ACTR3C: variants seen among roughly 807,000 people sequenced by gnomAD.
The protein encoded by ACTR3C is actin-related protein 3C.
A neutral mutation model predicts 26.3 loss-of-function variants in ACTR3C; 18 were observed. That is an observed-to-expected ratio of 0.68 (90% CI 0.47 to 1.01). The LOEUF is 1.01. Ranked by LOEUF, ACTR3C falls within the 50% of genes least tolerant of loss-of-function variation. The pLI, the probability that ACTR3C is intolerant of heterozygous loss-of-function variation, is 0.00. For missense variants in ACTR3C, 184 were observed against 250.7 expected, an observed-to-expected ratio of 0.73 and a Z score of 1.80; for synonymous variants, 55 against 94.5, an observed-to-expected ratio of 0.58 and a Z score of 2.42.
the ACTR3C span, among the ~76,000 whole-genome samples, chr7:149,927,901 ATAAATTAC>A: frequency 4.3e-3 from 652 of 152,354 alleles, 5 homozygotes; most frequent in African/African-American, 0.015. Context: ...TCTTTTCTTT[ATAAATTAC>A]CCGGTGTGTG....
chr7:150,288,685 A>G (rs10274065), intron 4 of ACTR3C, among the ~76,000 whole-genome samples: 15,656 of 134,488 alleles, frequency 0.12, 1,129 homozygotes, highest in African/African-American at 0.22. Context: ...AAAAAAGAAT[A>G]TCTAATGATA....
At chr7:150,123,357 T>C in the ACTR3C span, among the ~76,000 whole-genome samples, 1 of 152,084 alleles carries the variant, frequency 6.6e-6, no homozygotes, top group Admixed American at 6.5e-5. Context: ...GTAAAGCTGT[T>C]ATAATAAATG....
At chr7:150,148,476 C>T in the ACTR3C span, among the ~76,000 whole-genome samples, 1 of 151,654 alleles carries the variant, frequency 6.6e-6, no homozygotes, top group African/African-American at 2.4e-5. Flanking sequence ...GACACTGTCT[C>T]GGGCGGAAAA....
At chr7:150,116,442 T>A in the ACTR3C span, among the ~76,000 whole-genome samples, 10 of 152,234 alleles carry the variant, frequency 6.6e-5, no homozygotes, top group African/African-American at 2.4e-4. Context: ...TTGTCTTGTG[T>A]ACATGTTTCT....
chr7:150,320,993 T>A (rs938973437), intron 1 of ACTR3C, among the ~76,000 whole-genome samples: 10 of 152,188 alleles, frequency 6.6e-5, no homozygotes, highest in African/African-American at 2.4e-4. Context: ...TGAGTCAGGC[T>A]CCTCTCAGTC....
chr7:149,886,446 C>T, the ACTR3C span, among the ~76,000 whole-genome samples: 1 of 152,044 alleles, frequency 6.6e-6, no homozygotes, highest in Non-Finnish European at 1.5e-5. Context: ...TTTCTAAAGC[C>T]CTCTGGGAAA....
At chr7:150,252,166 G>T (rs57954906) in intron 6 of ACTR3C, among the ~76,000 whole-genome samples, 23,587 of 151,774 alleles carry the variant, frequency 0.16, 3,677 homozygotes, top group African/African-American at 0.4. Flanking sequence ...GTGTGTGTGT[G>T]TGCAATGAAA....
At chr7:150,058,596 G>T in the ACTR3C span, among the ~76,000 whole-genome samples, 1 of 152,268 alleles carries the variant, frequency 6.6e-6, no homozygotes, top group East Asian at 1.9e-4. Flanking sequence ...AGGATTTGAT[G>T]CTCAAAGTTG....
At chr7:150,233,319 T>A in the ACTR3C span, among the ~76,000 whole-genome samples, 174 of 150,774 alleles carry the variant, frequency 1.2e-3, 1 homozygote, top group African/African-American at 4.2e-3. Context: ...TAAGTCAGGT[T>A]ACTTTTTCTC....
Position 150,306,710 on chromosome 7 carries a change from G to A in ACTR3C, c.-51-11363C>T, listed in dbSNP as rs554379769. Among the ~76,000 whole-genome samples, 7 of 152,328 alleles carry A rather than the reference G, an allele frequency of 4.6e-5. No individual in the cohort carries two copies. The South Asian group carries it at 1.4e-3, about 32-fold the overall frequency. ...AACAATTTAGCAATACCTCGCCAAG[G>A]TGAACACCTCAGACCCAAAGACAAG... On this transcript the variant is annotated intron_variant, in intron 1 of 7. Transcript: ENST00000683684.
At chr7:149,922,205 T>A in the ACTR3C span, among the ~76,000 whole-genome samples, 4 of 136,708 alleles carry the variant, frequency 2.9e-5, no homozygotes, top group Admixed American at 8.0e-5. Flanking sequence ...CTAATTCTAC[T>A]AAATCCTTTG....
the ACTR3C span, among the ~76,000 whole-genome samples, chr7:150,032,643 TGA>T: frequency 5.3e-5 from 8 of 151,932 alleles, no homozygotes; most frequent in African/African-American, 1.9e-4. Context: ...AAAGTAAATC[TGA>T]GAGTTAGGGA....
At chr7:150,038,354 T>C in the ACTR3C span, among the ~76,000 whole-genome samples, 10 of 143,600 alleles carry the variant, frequency 7.0e-5, 1 homozygote, top group South Asian at 2.1e-4. Flanking sequence ...TTTCTCTCTC[T>C]GACGCATACA....
rs2286444 is a variant in ACTR3C, at chr7:150,289,430, G to A, written c.297+20C>T. Reference sequence around the variant, plus strand: ...CATCTCTCTCACCCCCAAACCAGCCGGTTTCCCATCTGTTTTTACCTTAAT... The same window carrying A: ...CATCTCTCTCACCCCCAAACCAGCCAGTTTCCCATCTGTTTTTACCTTAAT... On this transcript the variant is annotated intron_variant, in intron 4 of 7. Coordinates refer to ENST00000683684, the MANE Select transcript of ACTR3C (RefSeq NM_001164458.2). The A allele has an allele frequency of 0.018, 27,646 of 1,532,950 alleles. 1,677 individuals carry two copies. Among genetic ancestry groups the A allele is most frequent in the East Asian group, 0.11 (4,431 of 41,222 alleles). 95.0% of individuals were successfully genotyped at this position (1,532,950 alleles called of 1,614,324 possible). A position where few individuals can be genotyped will look rare whatever the true frequency, so the allele number is the denominator to read the frequency against.
chr7:150,019,888 T>C, the ACTR3C span, among the ~76,000 whole-genome samples: 1 of 152,050 alleles, frequency 6.6e-6, no homozygotes, highest in East Asian at 1.9e-4. Flanking sequence ...CTTCAGTACA[T>C]AATGATACTG....
At chr7:149,996,010 G>A in the ACTR3C span, among the ~76,000 whole-genome samples, 2 of 151,942 alleles carry the variant, frequency 1.3e-5, no homozygotes, top group Non-Finnish European at 2.9e-5. Context: ...ACACCTGTGC[G>A]GTATGTGCAG....
chr7:150,229,109 A>ACAGT, the ACTR3C span, among the ~76,000 whole-genome samples: 1 of 152,096 alleles, frequency 6.6e-6, no homozygotes, highest in Non-Finnish European at 1.5e-5. Flanking sequence ...TTCTTGATAG[A>ACAGT]CAGTCGTGTT....
the ACTR3C span, among the ~76,000 whole-genome samples, chr7:149,983,336 C>A: frequency 4.7e-5 from 7 of 150,422 alleles, no homozygotes; most frequent in Non-Finnish European, 7.4e-5. Context: ...ACATCATTAA[C>A]CATCAGGGAA....
At chr7:150,232,980 A>T in the ACTR3C span, among the ~76,000 whole-genome samples, 3 of 152,126 alleles carry the variant, frequency 2.0e-5, no homozygotes, top group African/African-American at 7.2e-5. Context: ...ATTACTTTAA[A>T]TAGTTATTTT....
Sources: allele counts gnomAD v4.1 joint callset (sites outside exome capture counted in the v4.1 genomes callset), GRCh38; gene constraint gnomAD v4.1.1; transcripts MANE v1.5; gene names NCBI Gene and HGNC (gene_info 2026-07-23, HGNC 2026-07-21).